Variants in PRAG1 observed in about 807,000 individuals in gnomAD.
PRAG1 encodes inactive tyrosine-protein kinase PRAG1.
A neutral mutation model predicts 95.6 loss-of-function variants in PRAG1; 110 were observed. The ratio of observed to expected loss-of-function variants is 1.15; its 90% CI spans 0.99 to 1.35. The LOEUF is 1.35. Among genes scored for constraint, PRAG1 ranks in the 40% most tolerant of loss-of-function variants. The pLI, the probability that PRAG1 is intolerant of heterozygous loss-of-function variation, is 0.00. For synonymous variants in PRAG1, 1,052 were observed against 819.4 expected, an observed-to-expected ratio of 1.28 and a Z score of -4.85; for missense variants, 2,554 against 1,864.7, an observed-to-expected ratio of 1.37 and a Z score of -6.81.
intron 3 of PRAG1, among the ~76,000 whole-genome samples, chr8:8,370,586 A>G (rs1249958339): frequency 6.6e-6 from 1 of 152,190 alleles, no homozygotes; most frequent in Non-Finnish European, 1.5e-5. Context: ...ACTGTCTGTC[A>G]TCCATTATAG....
intron 3 of PRAG1, among the ~76,000 whole-genome samples, chr8:8,345,092 T>TGTGTGTGTGTGTGTGTGTGTG (rs1491425198): frequency 8.0e-6 from 1 of 124,930 alleles, no homozygotes; most frequent in Non-Finnish European, 1.7e-5. Context: ...TGTGTGTGTG[T>TGTGTGTGTGTGTGTGTGTGTG]TAGGGAGGAA....
intron 3 of PRAG1, among the ~76,000 whole-genome samples, chr8:8,354,018 A>T (rs992349122): frequency 4.6e-5 from 7 of 152,130 alleles, no homozygotes; most frequent in Non-Finnish European, 1.0e-4. Context: ...TTTGAAAAAA[A>T]CAAGCAAAAT....
intron 3 of PRAG1, among the ~76,000 whole-genome samples, chr8:8,348,691 C>T (rs112335839): frequency 6.6e-6 from 1 of 152,166 alleles, no homozygotes; most frequent in African/African-American, 2.4e-5. Context: ...CACTTACCTA[C>T]AAATTCCTCC....
intron 5 of PRAG1, among the ~76,000 whole-genome samples, chr8:8,320,675 C>G (rs570588608): frequency 1.3e-5 from 2 of 152,306 alleles, no homozygotes; most frequent in Non-Finnish European, 2.9e-5. Context: ...CATCTCACAT[C>G]TACCTATAAA....
chr8:8,380,385 G>C (rs1270210307), intron 2 of PRAG1, among the ~76,000 whole-genome samples: 3 of 151,258 alleles, frequency 2.0e-5, no homozygotes, highest in African/African-American at 7.3e-5. Flanking sequence ...GATCACTTGA[G>C]GTCAGGAGTT....
chr8:8,339,455 T>C, intron 4 of PRAG1, 23 bp downstream of exon 4: 1 of 1,610,988 alleles, frequency 6.2e-7, no homozygotes, highest in Non-Finnish European at 8.5e-7. Flanking sequence ...TCTAAGCCTC[T>C]CCGTCAATGT....
intron 3 of PRAG1, chr8:8,374,675 C>G (rs1030902040): frequency 1.8e-5 from 18 of 985,218 alleles, no homozygotes; most frequent in Non-Finnish European, 2.0e-5. Flanking sequence ...CTCATTCATT[C>G]GGGGACTACA....
chr8:8,350,296 T>G (rs1176549749), intron 3 of PRAG1, among the ~76,000 whole-genome samples: 1 of 152,108 alleles, frequency 6.6e-6, no homozygotes, highest in Non-Finnish European at 1.5e-5. Context: ...GAGCTGCTGA[T>G]GAGCAGGTAA....
chr8:8,327,806 G>C lies in PRAG1; in HGVS notation c.2976C>G (p.Phe992Leu). Residue 992 changes from phenylalanine (F) to leucine (L), a missense_variant, in exon 5 of 6, where the codon TTC (phenylalanine) becomes TTG (leucine). Physicochemically the swap from Phe to Leu is conservative, Grantham distance 22. Transcript: ENST00000615670. Reference sequence around the variant, plus strand: ...AGCAGGGCTTGTTACAAGTCAGCTTGAAGAGCGACCAGTTATTCTCATTGA... The same window carrying C: ...AGCAGGGCTTGTTACAAGTCAGCTTCAAGAGCGACCAGTTATTCTCATTGA... ...LHFNENNWSLFKLTCNKPCCD... is the reference protein window; with the variant it reads ...LHFNENNWSLLKLTCNKPCCD... The C allele has an allele frequency of 6.2e-7, 1 of 1,614,238 alleles. No homozygotes were observed. Among genetic ancestry groups the C allele is most frequent in the Non-Finnish European group, 8.5e-7 (1 of 1,180,048 alleles).
intron 2 of PRAG1, among the ~76,000 whole-genome samples, chr8:8,379,066 G>T (rs542089085): frequency 1.3e-5 from 2 of 150,866 alleles, no homozygotes; most frequent in East Asian, 4.0e-4. Context: ...GTGAGGGGTG[G>T]TTTCTGAACT....
chr8:8,336,712 C>T (rs1251645170), intron 4 of PRAG1, among the ~76,000 whole-genome samples: 1 of 149,394 alleles, frequency 6.7e-6, no homozygotes, highest in African/African-American at 2.5e-5. Context: ...CCATAAAACG[C>T]AAATCATTAA....
chr8:8,351,853 C>T (rs1469211028), intron 3 of PRAG1, among the ~76,000 whole-genome samples: 1 of 152,208 alleles, frequency 6.6e-6, no homozygotes, highest in Non-Finnish European at 1.5e-5. Flanking sequence ...CACACCATCT[C>T]CTCATCCCCC....
intron 3 of PRAG1, among the ~76,000 whole-genome samples, chr8:8,368,532 C>G (rs895895805): frequency 6.6e-6 from 1 of 152,174 alleles, no homozygotes; most frequent in African/African-American, 2.4e-5. Flanking sequence ...GTTGGTCTAT[C>G]AACCCTGATA....
At chr8:8,357,393 C>T (rs1211895152) in intron 3 of PRAG1, among the ~76,000 whole-genome samples, 1 of 151,894 alleles carries the variant, frequency 6.6e-6, no homozygotes, top group Non-Finnish European at 1.5e-5. Flanking sequence ...TGTCAAAAAA[C>T]AAAACAAAAC....
At chr8:8,341,356 T>G (rs1799157283) in intron 3 of PRAG1, among the ~76,000 whole-genome samples, 1 of 152,108 alleles carries the variant, frequency 6.6e-6, no homozygotes, top group South Asian at 2.1e-4. Flanking sequence ...ACATACTTAC[T>G]TAAAGTAACA....
At chr8:8,338,983 A>C (rs1485329399) in intron 4 of PRAG1, among the ~76,000 whole-genome samples, 2 of 152,216 alleles carry the variant, frequency 1.3e-5, no homozygotes, top group African/African-American at 4.8e-5. Flanking sequence ...TAATCCAAAA[A>C]GCAGGCTAGA....
At chr8:8,381,290 G>A (rs185428751) in intron 2 of PRAG1, 128 bp downstream of exon 2, 196 of 867,926 alleles carry the variant, frequency 2.3e-4, no homozygotes, top group Middle Eastern at 2.0e-3. Flanking sequence ...GCCATCTCAG[G>A]GCAAACTGAC....
At chr8:8,349,540 C>T (rs1321873014) in intron 3 of PRAG1, among the ~76,000 whole-genome samples, 1 of 152,028 alleles carries the variant, frequency 6.6e-6, no homozygotes, top group African/African-American at 2.4e-5. Context: ...CCTCGGCCTC[C>T]CAAAGTGCTG....
intron 3 of PRAG1, among the ~76,000 whole-genome samples, chr8:8,353,958 A>G (rs1022195186): frequency 6.6e-6 from 1 of 152,076 alleles, no homozygotes; most frequent in African/African-American, 2.4e-5. Context: ...AATAAAGAAC[A>G]GAAAAGCCAC....
Sources: allele counts gnomAD v4.1 joint callset (sites outside exome capture counted in the v4.1 genomes callset), GRCh38; gene constraint gnomAD v4.1.1; transcripts MANE v1.5; gene names NCBI Gene and HGNC (gene_info 2026-07-23, HGNC 2026-07-21).